MLXIP: variants seen among roughly 807,000 people sequenced by gnomAD.
MLXIP encodes the protein MLX-interacting protein.
MLXIP carries 30 observed loss-of-function variants against 87.2 expected under a neutral mutation model. The observed-to-expected ratio is 0.34, with a 90% CI of 0.26 to 0.47. MLXIP has a LOEUF of 0.47. MLXIP is among the 20% of genes least tolerant of loss of function. The pLI is 1.00. For missense variants in MLXIP, 1,002 were observed against 1,240.1 expected (o/e 0.81, Z 2.88); for synonymous variants, 530 against 514.0 (o/e 1.03, Z -0.42).
At chr12:122,123,587 C>T (rs974062262) in intron 1 of MLXIP, among the ~76,000 whole-genome samples, 5 of 152,212 alleles carry the variant, frequency 3.3e-5, no homozygotes, top group South Asian at 2.1e-4. Context: ...AATTTCCCTG[C>T]GTCTTGCCGC....
rs1233404015 is a variant in MLXIP, at chr12:122,121,010, G to GT, written c.414-6228dup. 1.3e-3 allele frequency among the ~76,000 whole-genome samples: 141 copies of GT among 111,910 alleles called. 8 individuals carry two copies. The highest frequency in any genetic ancestry group is 3.7e-3 in the South Asian group (13 of 3,514). The allele number at this position is 111,910 out of a possible 152,430, so 73.4% of individuals were successfully genotyped here. On this transcript the variant is annotated intron_variant, in intron 1 of 16. Transcript: ENST00000319080. ...AGCCCCAGAGCCCTCTGCATGCTTG[G>GT]TTTTTTTTTTTTTTTTTTGAAACGG...
chr12:122,086,665 G>T (rs1952172002), intron 1 of MLXIP, among the ~76,000 whole-genome samples: 1 of 152,132 alleles, frequency 6.6e-6, no homozygotes, highest in Admixed American at 6.5e-5. Flanking sequence ...AGGCCACAGG[G>T]TGTGTGTTTT....
At chr12:122,139,907 C>T (rs1953166657) in intron 15 of MLXIP, among the ~76,000 whole-genome samples, 1 of 152,214 alleles carries the variant, frequency 6.6e-6, no homozygotes, top group African/African-American at 2.4e-5. Flanking sequence ...CTCCTGACCT[C>T]AGGTGATCCC....
At chr12:122,080,809 C>A (rs1353320728) in intron 1 of MLXIP, among the ~76,000 whole-genome samples, 1 of 152,224 alleles carries the variant, frequency 6.6e-6, no homozygotes, top group Non-Finnish European at 1.5e-5. Context: ...CCGACTGGAT[C>A]GCAGCATATG....
At chr12:122,089,659 C>T (rs1002131530) in intron 1 of MLXIP, among the ~76,000 whole-genome samples, 1 of 152,254 alleles carries the variant, frequency 6.6e-6, no homozygotes, top group Non-Finnish European at 1.5e-5. Context: ...TTGTCACAGC[C>T]CAGTGCTGGG....
At chr12:122,100,860 T>C (rs946628448) in intron 1 of MLXIP, among the ~76,000 whole-genome samples, 1 of 152,220 alleles carries the variant, frequency 6.6e-6, no homozygotes, top group Non-Finnish European at 1.5e-5. Flanking sequence ...AAGCTCCAGA[T>C]AATTGTGAGA....
At chr12:122,082,244 G>T (rs1421261430) in intron 1 of MLXIP, among the ~76,000 whole-genome samples, 1 of 152,204 alleles carries the variant, frequency 6.6e-6, no homozygotes, top group African/African-American at 2.4e-5. Context: ...ACTCAGTTTT[G>T]CTGAGAAGCC....
intron 1 of MLXIP, among the ~76,000 whole-genome samples, chr12:122,095,084 TGTG>T (rs1952330468): frequency 7.0e-6 from 1 of 143,790 alleles, no homozygotes; most frequent in African/African-American, 2.6e-5. Context: ...TGGTGTATGT[TGTG>T]TGTGGTGTGT....
chr12:122,086,766 G>A (rs1259264823), intron 1 of MLXIP, among the ~76,000 whole-genome samples: 2 of 152,010 alleles, frequency 1.3e-5, no homozygotes, highest in Non-Finnish European at 2.9e-5. Flanking sequence ...CCAGGACTTC[G>A]AGGACTGGCC....
At position 122,129,554 on chromosome 12, in the gene MLXIP, T is replaced by C. The variant is rs773097302; in HGVS notation, c.697-34T>C. On this transcript the variant is annotated intron_variant, in intron 4 of 16. Transcript: ENST00000319080. ...AGCCCTTGGGCCCTCCTAGGGCCATTGGTGACCGCCGTGTCCTGTCCCTTT... is the reference window on the plus strand; with the variant it reads ...AGCCCTTGGGCCCTCCTAGGGCCATCGGTGACCGCCGTGTCCTGTCCCTTT... 2.2e-5 allele frequency: 36 copies of C among 1,611,784 alleles called. No homozygotes were observed. In the South Asian group the frequency reaches 3.9e-4, roughly 17 times the overall value.
chr12:122,101,620 G>A (rs182016096), intron 1 of MLXIP, among the ~76,000 whole-genome samples: 5 of 126,602 alleles, frequency 3.9e-5, no homozygotes, highest in East Asian at 4.5e-4. Context: ...TCGCTCTGTC[G>A]CCCAGGCTGG....
chr12:122,113,175 A>G (rs1477275349), intron 1 of MLXIP, among the ~76,000 whole-genome samples: 1 of 152,254 alleles, frequency 6.6e-6, no homozygotes, highest in Non-Finnish European at 1.5e-5. Context: ...GATGTCTGTG[A>G]CATATAAGTG....
chr12:122,107,053 T>C, intron 1 of MLXIP, among the ~76,000 whole-genome samples: 1 of 152,144 alleles, frequency 6.6e-6, no homozygotes. Context: ...TCACCAGCCC[T>C]CCTCCTTGTG....
intron 1 of MLXIP, among the ~76,000 whole-genome samples, chr12:122,123,480 C>G (rs529149251): frequency 6.6e-6 from 1 of 152,084 alleles, no homozygotes; most frequent in Admixed American, 6.5e-5. Flanking sequence ...CTGTGTTTGA[C>G]GTAAACACCC....
chr12:122,141,540 G>T, intron 16 of MLXIP, 151 bp from the exon 17 acceptor site: 1 of 1,293,532 alleles, frequency 7.7e-7, no homozygotes. Flanking sequence ...AGGTCTCGGT[G>T]TCGGCCCCTG....
intron 1 of MLXIP, among the ~76,000 whole-genome samples, chr12:122,093,288 T>C (rs1952277185): frequency 6.8e-6 from 1 of 147,084 alleles, no homozygotes; most frequent in Admixed American, 6.8e-5. Context: ...TTGTGCTGTC[T>C]GTATGTAGTG....
In MLXIP at chr12:122,110,852, C is replaced by T. The variant is rs545062128; in HGVS notation, c.414-16404C>T. Among the ~76,000 whole-genome samples, 86 of 151,902 alleles carry T rather than the reference C, an allele frequency of 5.7e-4. No homozygotes were observed. In the South Asian group the frequency reaches 0.016, roughly 29 times the overall value. ...CAGCACTTTGGGAGGCCAAGGTGGG[C>T]GGATCACGAGGTCAGGAGATCGAGA... On this transcript the variant is annotated intron_variant, in intron 1 of 16. Coordinates refer to ENST00000319080, the MANE Select transcript of MLXIP (RefSeq NM_014938.6).
chr12:122,127,849 T>A (rs749527346), intron 2 of MLXIP, 34 bp from the exon 3 acceptor site: 1 of 1,594,604 alleles, frequency 6.3e-7, no homozygotes. Context: ...GGGGTCTGGA[T>A]CATGGTGCTG....
chr12:122,094,017 GGT>G (rs1952299207), intron 1 of MLXIP, among the ~76,000 whole-genome samples: 1 of 146,972 alleles, frequency 6.8e-6, no homozygotes, highest in Non-Finnish European at 1.5e-5. Flanking sequence ...GTGTGTGCAG[GGT>G]GTGGGTGTAT....
Sources: allele counts gnomAD v4.1 joint callset (sites outside exome capture counted in the v4.1 genomes callset), GRCh38; gene constraint gnomAD v4.1.1; transcripts MANE v1.5; gene names NCBI Gene and HGNC (gene_info 2026-07-23, HGNC 2026-07-21).